Variants in TRHDE observed in about 807,000 individuals in gnomAD.
TRHDE encodes the protein thyrotropin releasing hormone degrading enzyme, also known as thyrotropin-releasing hormone-degrading ectoenzyme.
Under a neutral mutation model 125.7 loss-of-function variants are expected in TRHDE, and 72 were observed. The ratio of observed to expected loss-of-function variants is 0.57; its 90% CI spans 0.47 to 0.70. TRHDE has a LOEUF of 0.70. TRHDE is among the 30% of genes least tolerant of loss of function. The probability of loss-of-function intolerance (pLI) is 0.00; values close to 1 mark genes in which losing one functional copy is unlikely to be tolerated. For synonymous variants in TRHDE, 509 were observed against 509.1 expected (o/e 1.00, Z 0.00); for missense variants, 1,110 against 1,327.1 (o/e 0.84, Z 2.54).
chr12:72,530,833 A>G lies in TRHDE; in HGVS notation c.1723-11458A>G, dbSNP rs527821150. ...CCTAACCCTGCTTTATTTATTTTCA[A>G]AGCAATAATGGGTATTTGATATTAT... On this transcript the variant is annotated intron_variant, in intron 6 of 18. Coordinates refer to ENST00000261180, the MANE Select transcript of TRHDE (RefSeq NM_013381.3). Among the ~76,000 whole-genome samples the G allele has an allele frequency of 3.3e-5, 5 of 151,768 alleles. No individual in the cohort carries two copies. In the South Asian group the frequency reaches 1.0e-3, roughly 32 times the overall value.
chr12:72,318,023 T>G (rs1391477442), intron 2 of TRHDE, among the ~76,000 whole-genome samples: 1 of 152,194 alleles, frequency 6.6e-6, no homozygotes, highest in Admixed American at 6.5e-5. Flanking sequence ...GCTCTCATTA[T>G]AAGAGAATTA....
chr12:72,565,428 G>A (rs7955675), intron 9 of TRHDE, among the ~76,000 whole-genome samples: 40,501 of 152,050 alleles, frequency 0.27, 8,139 homozygotes, highest in African/African-American at 0.54. Context: ...TTACATAACT[G>A]AATAGTCACA....
chr12:72,546,527 C>A (rs1421649208), intron 7 of TRHDE, among the ~76,000 whole-genome samples: 1 of 151,596 alleles, frequency 6.6e-6, no homozygotes, highest in Non-Finnish European at 1.5e-5. Flanking sequence ...GATTAACTAT[C>A]ATGATCCTAT....
At chr12:72,238,281 TATATATATA>T (rs1565669801) in intron 2 of TRHDE, among the ~76,000 whole-genome samples, 6 of 14,796 alleles carry the variant, frequency 4.1e-4, no homozygotes, top group African/African-American at 1.9e-3. Flanking sequence ...CCTTAATATA[TATATATATA>T]TATATATATA....
Position 72,462,062 on chromosome 12 carries a change from G to A in TRHDE, c.1316-7696G>A, listed in dbSNP as rs541187729. 1.2e-4 allele frequency among the ~76,000 whole-genome samples: 18 copies of A among 152,284 alleles called. No individual in the cohort carries two copies. The South Asian group carries it at 3.7e-3, about 32-fold the overall frequency. On this transcript the variant is annotated intron_variant, in intron 3 of 18. Coordinates refer to ENST00000261180, the MANE Select transcript of TRHDE (RefSeq NM_013381.3). ...AATTTGGGTTTGGATCCCAAACCCA[G>A]TATGGACTCCACAACTTGCAGCTTT...
chr12:72,584,352 G>A (rs1178357138), intron 12 of TRHDE, among the ~76,000 whole-genome samples: 2 of 151,902 alleles, frequency 1.3e-5, no homozygotes, highest in Non-Finnish European at 2.9e-5. Context: ...TTGTGAAATG[G>A]TTCAGTATTG....
At chr12:72,538,380 A>AT (rs908833800) in intron 6 of TRHDE, among the ~76,000 whole-genome samples, 1 of 151,746 alleles carries the variant, frequency 6.6e-6, no homozygotes, top group African/African-American at 2.4e-5. Flanking sequence ...ACAATATGTC[A>AT]TTTTTTTCTC....
At chr12:72,561,115 C>A (rs200228632) in intron 7 of TRHDE, among the ~76,000 whole-genome samples, 3 of 152,180 alleles carry the variant, frequency 2.0e-5, no homozygotes, top group East Asian at 3.9e-4. Context: ...GACATTGCAT[C>A]TCTAGGCATC....
intron 1 of TRHDE, among the ~76,000 whole-genome samples, chr12:72,104,760 TAAAC>T (rs1875144980): frequency 6.6e-6 from 1 of 152,160 alleles, no homozygotes; most frequent in South Asian, 2.1e-4. Flanking sequence ...TATTAACAGT[TAAAC>T]AAGTGAAAAA....
intron 7 of TRHDE, among the ~76,000 whole-genome samples, chr12:72,546,073 A>G (rs988741163): frequency 2.6e-5 from 4 of 151,660 alleles, no homozygotes; most frequent in Non-Finnish European, 5.9e-5. Flanking sequence ...ACGGTGGCTC[A>G]GTGAAATTTA....
intron 3 of TRHDE, among the ~76,000 whole-genome samples, chr12:72,403,878 G>A (rs1237332586): frequency 3.3e-5 from 5 of 152,142 alleles, no homozygotes; most frequent in Non-Finnish European, 7.4e-5. Flanking sequence ...GGAGGGGGTA[G>A]GTCATAGTTG....
chr12:72,597,666 TAAAA>T (rs758942039), intron 12 of TRHDE, among the ~76,000 whole-genome samples: 5 of 75,670 alleles, frequency 6.6e-5, no homozygotes, highest in Non-Finnish European at 1.2e-4. Context: ...AGACCTTGTC[TAAAA>T]AAAAAAAAAA....
At chr12:72,657,715 T>C (rs1214803641) in intron 18 of TRHDE, among the ~76,000 whole-genome samples, 1 of 152,114 alleles carries the variant, frequency 6.6e-6, no homozygotes, top group African/African-American at 2.4e-5. Flanking sequence ...TTTGTTTGTT[T>C]TGCCATTAAG....
intron 3 of TRHDE, among the ~76,000 whole-genome samples, chr12:72,437,024 C>T (rs1874778300): frequency 6.6e-6 from 1 of 151,750 alleles, no homozygotes; most frequent in African/African-American, 2.4e-5. Flanking sequence ...ATATCTATAT[C>T]CCCTTATATT....
At chr12:72,109,377 A>G (rs1397081781) in intron 2 of TRHDE, among the ~76,000 whole-genome samples, 1 of 152,132 alleles carries the variant, frequency 6.6e-6, no homozygotes, top group Non-Finnish European at 1.5e-5. Context: ...GGATAGTCAA[A>G]GAAAAGAGTG....
chr12:72,534,810 G>C (rs767895051), intron 6 of TRHDE, among the ~76,000 whole-genome samples: 5 of 151,974 alleles, frequency 3.3e-5, no homozygotes, highest in Non-Finnish European at 7.4e-5. Context: ...ATAGAGCTCA[G>C]AATATAGGAT....
Position 72,196,424 on chromosome 12 carries a change from G to T in TRHDE, n.279+90672G>T, listed in dbSNP as rs978466748. The stretch of plus-strand genomic sequence containing the variant: ...CAGCAGTGTTTTGTAGTTCTCCTTT[G>T]TATAGAGCTTTCACCTCCTTTGTTA... On this transcript the variant is annotated intron_variant and non_coding_transcript_variant, in intron 2 of 4. Coordinates refer to the TRHDE transcript ENST00000548156. 5.3e-5 allele frequency among the ~76,000 whole-genome samples: 8 copies of T among 152,052 alleles called. No homozygotes were observed. The South Asian group carries it at 1.7e-3, about 32-fold the overall frequency.
chr12:72,096,811 G>A (rs1592438682), intron 1 of TRHDE, among the ~76,000 whole-genome samples: 1 of 152,190 alleles, frequency 6.6e-6, no homozygotes, highest in Non-Finnish European at 1.5e-5. Flanking sequence ...CTCAAGCATT[G>A]TCACAAAGAC....
chr12:72,135,494 A>G (rs370606306), intron 2 of TRHDE, among the ~76,000 whole-genome samples: 25 of 152,140 alleles, frequency 1.6e-4, no homozygotes, highest in African/African-American at 6.0e-4. Context: ...TGCTAGCCCT[A>G]TAACTGTCTA....
Sources: allele counts gnomAD v4.1 joint callset (sites outside exome capture counted in the v4.1 genomes callset), GRCh38; gene constraint gnomAD v4.1.1; transcripts MANE v1.5; gene names NCBI Gene and HGNC (gene_info 2026-07-23, HGNC 2026-07-21).